IL23R: variants seen among roughly 807,000 people sequenced by gnomAD.
IL23R encodes interleukin-23 receptor.
A neutral mutation model predicts 56.9 loss-of-function variants in IL23R; 34 were observed. That is an observed-to-expected ratio of 0.60 (90% confidence interval 0.45 to 0.80). The LOEUF (loss-of-function observed/expected upper bound fraction) is 0.80, where lower values mean the gene tolerates loss of function less well. IL23R is among the 30% of genes least tolerant of loss of function. The pLI is 0.00. For missense variants in IL23R, 635 were observed against 730.0 expected (o/e 0.87, Z 1.50); for synonymous variants, 230 against 249.2 (o/e 0.92, Z 0.73).
In IL23R at chr1:67,198,449, C is replaced by T. The variant is rs72927070; in HGVS notation, c.492-2288C>T. Among the ~76,000 whole-genome samples the T allele has an allele frequency of 3.4e-3, 513 of 152,298 alleles. 4 individuals are homozygous for T. Among genetic ancestry groups the T allele is most frequent in the African/African-American group, 0.012 (488 of 41,562 alleles). On this transcript the variant is annotated intron_variant, in intron 4 of 10. Coordinates refer to ENST00000347310, the MANE Select transcript of IL23R (RefSeq NM_144701.3). Reference sequence around the variant, plus strand: ...TAACAGATATCATTCGGAATTCTACCAAGTTTATTGGGCTACTTGGATATT... The same window carrying T: ...TAACAGATATCATTCGGAATTCTACTAAGTTTATTGGGCTACTTGGATATT...
intron 1 of IL23R, among the ~76,000 whole-genome samples, chr1:67,142,374 G>A (rs1646645955): frequency 6.6e-6 from 1 of 152,088 alleles, no homozygotes; most frequent in Non-Finnish European, 1.5e-5. Flanking sequence ...AAAACTCAGA[G>A]TGGATAAAAG....
downstream of IL23R, among the ~76,000 whole-genome samples, chr1:67,264,569 C>T (rs1038148832): frequency 6.6e-6 from 1 of 152,148 alleles, no homozygotes; most frequent in African/African-American, 2.4e-5. Context: ...ATGAATTGTA[C>T]ACAACTTTCT....
intron 1 of IL23R, among the ~76,000 whole-genome samples, chr1:67,142,063 C>T (rs778814006): frequency 1.3e-5 from 2 of 152,128 alleles, no homozygotes; most frequent in African/African-American, 2.4e-5. Flanking sequence ...ACAGTCTTCA[C>T]GATGGCTGGG....
intron 1 of IL23R, among the ~76,000 whole-genome samples, chr1:67,159,626 T>A (rs10889661): frequency 0.34 from 52,410 of 151,956 alleles, 9,226 homozygotes; most frequent in Admixed American, 0.47. Context: ...TCTCATGCAG[T>A]GGTGCATGCT....
chr1:67,222,198 C>A (rs1650325471), intron 7 of IL23R, among the ~76,000 whole-genome samples: 1 of 144,588 alleles, frequency 6.9e-6, no homozygotes, highest in African/African-American at 2.6e-5. Context: ...CTCACTGCAA[C>A]CTCCACCTCC....
intron 6 of IL23R, among the ~76,000 whole-genome samples, chr1:67,212,080 A>C (rs1570858399): frequency 1.9e-5 from 2 of 106,560 alleles, no homozygotes; most frequent in East Asian, 6.7e-4. Flanking sequence ...GAAAATGAAA[A>C]GACAGGTTTC....
At chr1:67,203,212 G>A (rs905227502) in intron 5 of IL23R, among the ~76,000 whole-genome samples, 1 of 151,962 alleles carries the variant, frequency 6.6e-6, no homozygotes, top group African/African-American at 2.4e-5. Flanking sequence ...TGCACATCAC[G>A]TTTCATTCTG....
intron 5 of IL23R, among the ~76,000 whole-genome samples, chr1:67,203,337 T>C (rs1648766983): frequency 1.3e-5 from 2 of 152,158 alleles, no homozygotes; most frequent in Non-Finnish European, 2.9e-5. Context: ...ATCCCAGACA[T>C]GCTGACTTGC....
At chr1:67,237,368 C>G (rs1651552855) in intron 8 of IL23R, among the ~76,000 whole-genome samples, 1 of 152,154 alleles carries the variant, frequency 6.6e-6, no homozygotes, top group South Asian at 2.1e-4. Flanking sequence ...GCTGCTAGGG[C>G]TCAAGACCCA....
rs557459277 is a variant in IL23R at position 67,168,095 on chromosome 1, G to C, written c.-26G>C. The C allele has an allele frequency of 4.1e-5, 63 of 1,534,168 alleles. No individual in the cohort carries two copies. In the East Asian group the frequency reaches 1.4e-3, roughly 34 times the overall value. ...ATTTTTCATATTTTTTTTCCAGAGG[G>C]AAACAGTCTTTTCCTGCTTCCAGAC... On this transcript the variant is annotated 5_prime_UTR_variant, in exon 2 of 11. Coordinates refer to ENST00000347310, the MANE Select transcript of IL23R (RefSeq NM_144701.3).
At chr1:67,141,600 T>A (rs1884443) in intron 1 of IL23R, among the ~76,000 whole-genome samples, 127,475 of 151,918 alleles carry the variant, frequency 0.84, 53,876 homozygotes, top group East Asian at 1. Context: ...TCTACTAAAA[T>A]TAAAAAAAAT....
At chr1:67,221,324 A>G (rs1396609127) in intron 7 of IL23R, among the ~76,000 whole-genome samples, 4 of 152,176 alleles carry the variant, frequency 2.6e-5, no homozygotes, top group African/African-American at 9.7e-5. Flanking sequence ...CCATCTCAGA[A>G]AATTTTATTA....
chr1:67,150,032 T>C (rs566804177), intron 1 of IL23R, among the ~76,000 whole-genome samples: 3 of 152,318 alleles, frequency 2.0e-5, no homozygotes, highest in Admixed American at 1.3e-4. Context: ...TATCTTTACA[T>C]AGGAATTTTC....
rs1647167210 is a variant in IL23R at position 67,182,695 on chromosome 1, G to C, written c.368-141G>C. 3.5e-6 allele frequency: 3 copies of C among 861,744 alleles called. No homozygotes were observed. The South Asian group carries it at 4.0e-5, about 11-fold the overall frequency. The allele number at this position is 861,744 out of a possible 1,614,324, so 53.4% of individuals were successfully genotyped here. ...TGAGATGAACCCGGTACCTCAGTTG[G>C]AAATGAAGAAATCGTTCGTCTTCTG... On this transcript the variant is annotated intron_variant, in intron 3 of 10. Transcript: ENST00000347310.
intron 1 of IL23R, among the ~76,000 whole-genome samples, chr1:67,155,256 T>C (rs548473619): frequency 2.0e-5 from 3 of 152,138 alleles, no homozygotes; most frequent in Admixed American, 6.5e-5. Flanking sequence ...GAGAATCTGA[T>C]GATTATGTGT....
intron 9 of IL23R, among the ~76,000 whole-genome samples, chr1:67,249,894 C>T (rs74322246): frequency 0.017 from 2,632 of 152,220 alleles, 37 homozygotes; most frequent in Non-Finnish European, 0.031. Context: ...CAGATCAGTG[C>T]TCTAAGAAAA....
chr1:67,157,138 C>A (rs575238123), intron 1 of IL23R, among the ~76,000 whole-genome samples: 7 of 152,296 alleles, frequency 4.6e-5, no homozygotes, highest in South Asian at 2.1e-4. Context: ...ACTGCATAAC[C>A]AGTCCCAATG....
At chr1:67,165,255 A>G (rs1646862008), upstream of IL23R, among the ~76,000 whole-genome samples, 1 of 152,134 alleles carries the variant, frequency 6.6e-6, no homozygotes, top group African/African-American at 2.4e-5. Context: ...CAAAACTACA[A>G]TTAGATATCA....
chr1:67,210,688 A>G (rs1649406127), intron 6 of IL23R, among the ~76,000 whole-genome samples: 2 of 151,946 alleles, frequency 1.3e-5, no homozygotes, highest in African/African-American at 2.4e-5. Flanking sequence ...CCGGTCTTGA[A>G]CTAGCCTCAA....
Sources: allele counts gnomAD v4.1 joint callset (sites outside exome capture counted in the v4.1 genomes callset), GRCh38; gene constraint gnomAD v4.1.1; transcripts MANE v1.5; gene names NCBI Gene and HGNC (gene_info 2026-07-23, HGNC 2026-07-21).